PIP4K2A: variants seen among roughly 807,000 people sequenced by gnomAD.
The protein encoded by PIP4K2A is phosphatidylinositol-5-phosphate 4-kinase type 2 alpha.
PIP4K2A carries 14 observed loss-of-function variants against 42.9 expected under a neutral mutation model. The observed-to-expected ratio is 0.33, with a 90% confidence interval of 0.22 to 0.51. The LOEUF is 0.51. Among genes scored for constraint, PIP4K2A ranks in the 20% least tolerant of loss-of-function variants. PIP4K2A has a pLI of 0.97. For missense variants in PIP4K2A, 434 were observed against 519.8 expected (o/e 0.83, Z 1.61); for synonymous variants, 192 against 192.2 (o/e 1.00, Z 0.01).
At chr10:22,550,379 CAATACAG>C (rs919219082) in intron 7 of PIP4K2A, among the ~76,000 whole-genome samples, 13 of 152,302 alleles carry the variant, frequency 8.5e-5, no homozygotes, top group African/African-American at 2.9e-4. Context: ...TGGGCCATCC[CAATACAG>C]AATACAGGGG....
At position 22,607,913 on chromosome 10, in the gene PIP4K2A, C is replaced by G. The variant is rs550685630; in HGVS notation, c.339+14G>C. On this transcript the variant is annotated intron_variant, in intron 3 of 9. Coordinates refer to ENST00000376573, the MANE Select transcript of PIP4K2A (RefSeq NM_005028.5). ...CATTTCCTACTGGAAGCAAATGTTA[C>G]AAACGCAACTCACCTGGAAATCTTG... 3 of 1,579,700 alleles carry G rather than the reference C, an allele frequency of 1.9e-6. No homozygotes were observed. In the East Asian group the frequency reaches 6.7e-5, roughly 35 times the overall value.
intron 2 of PIP4K2A, among the ~76,000 whole-genome samples, 187 bp downstream of exon 2, chr10:22,609,433 G>C (rs1837982625): frequency 6.6e-6 from 1 of 152,186 alleles, no homozygotes; most frequent in Non-Finnish European, 1.5e-5. Context: ...ATATGGCAAA[G>C]GATATTATCC....
In PIP4K2A at chr10:22,615,950, G is replaced by A. The variant is rs539386201; in HGVS notation, c.145-6233C>T. The stretch of plus-strand genomic sequence containing the variant: ...GCGACTTCTTGTTCCTGTTTATGCC[G>A]GACTTCTTGTTCCTGTTTATGCCGT... On this transcript the variant is annotated intron_variant, in intron 1 of 9. Transcript: ENST00000376573. 7.2e-5 allele frequency among the ~76,000 whole-genome samples: 11 copies of A among 151,870 alleles called. No individual in the cohort carries two copies. The East Asian group carries it at 1.2e-3, about 16-fold the overall frequency.
intron 1 of PIP4K2A, among the ~76,000 whole-genome samples, chr10:22,639,635 A>C (rs1253928674): frequency 6.6e-6 from 1 of 152,174 alleles, no homozygotes; most frequent in African/African-American, 2.4e-5. Context: ...TTTTCACAAT[A>C]CAAAATGCCG....
At chr10:22,680,723 G>A (rs913869399) in intron 1 of PIP4K2A, among the ~76,000 whole-genome samples, 5 of 152,170 alleles carry the variant, frequency 3.3e-5, no homozygotes, top group Non-Finnish European at 5.9e-5. Flanking sequence ...ACAGCTCAGC[G>A]AGGGCTGGTG....
At chr10:22,690,527 T>A (rs1015129977) in intron 1 of PIP4K2A, among the ~76,000 whole-genome samples, 2 of 152,180 alleles carry the variant, frequency 1.3e-5, no homozygotes, top group Non-Finnish European at 2.9e-5. Context: ...CATCTCCTCT[T>A]GTGGAAGAGA....
At chr10:22,704,231 G>C (rs1022592345) in intron 1 of PIP4K2A, among the ~76,000 whole-genome samples, 5 of 152,106 alleles carry the variant, frequency 3.3e-5, no homozygotes, top group African/African-American at 1.2e-4. Flanking sequence ...AACATTTCCA[G>C]ACTGAGCAAA....
chr10:22,611,270 G>A (rs995110155), intron 1 of PIP4K2A, among the ~76,000 whole-genome samples: 2 of 152,086 alleles, frequency 1.3e-5, no homozygotes, highest in Non-Finnish European at 2.9e-5. Flanking sequence ...TGCACCTGTA[G>A]TCCCAGCTAC....
intron 1 of PIP4K2A, among the ~76,000 whole-genome samples, chr10:22,701,483 C>A (rs1833714788): frequency 6.6e-6 from 1 of 152,182 alleles, no homozygotes; most frequent in Admixed American, 6.5e-5. Flanking sequence ...AGGTTCCCAT[C>A]ACCTCTGGAA....
intron 6 of PIP4K2A, among the ~76,000 whole-genome samples, chr10:22,566,097 A>C (rs1836842016): frequency 6.6e-6 from 1 of 152,036 alleles, no homozygotes; most frequent in Non-Finnish European, 1.5e-5. Context: ...TATTCTATTA[A>C]CCAGTTAAGT....
In PIP4K2A at chr10:22,579,831, C is replaced by A. The variant is rs147359639; in HGVS notation, c.493-6374G>T. On this transcript the variant is annotated intron_variant, in intron 4 of 9. Transcript: ENST00000376573. ...GGCTGAGGCAGGAGAATCGCCTGAACCCAGGAGGTAGAGGCTGCAGTGAGC... is the reference window on the plus strand; with the variant it reads ...GGCTGAGGCAGGAGAATCGCCTGAAACCAGGAGGTAGAGGCTGCAGTGAGC... Among the ~76,000 whole-genome samples the A allele has an allele frequency of 3.6e-3, 533 of 149,308 alleles. 29 individuals are homozygous for A. The highest frequency in any genetic ancestry group is 0.013 in the African/African-American group (494 of 38,796).
chr10:22,557,533 A>G (rs1836583064), intron 6 of PIP4K2A, among the ~76,000 whole-genome samples: 1 of 152,250 alleles, frequency 6.6e-6, no homozygotes, highest in African/African-American at 2.4e-5. Flanking sequence ...AATTTGATGC[A>G]TAACTGCTGT....
At chr10:22,605,615 G>A (rs1837889536) in intron 3 of PIP4K2A, among the ~76,000 whole-genome samples, 1 of 152,172 alleles carries the variant, frequency 6.6e-6, no homozygotes, top group African/African-American at 2.4e-5. Flanking sequence ...ACAAGAAATA[G>A]AAAGACTTCA....
At chr10:22,669,349 C>T (rs965573627) in intron 1 of PIP4K2A, among the ~76,000 whole-genome samples, 3 of 152,134 alleles carry the variant, frequency 2.0e-5, no homozygotes, top group African/African-American at 7.2e-5. Context: ...GCAACACCAC[C>T]TAGGGTCATG....
In PIP4K2A at chr10:22,674,415, C is replaced by CAA. The variant is rs1002492534; in HGVS notation, c.144+39766_144+39767dup. ...AGACAAGAGACAAGACACTTGGGAG[C>CAA]AAAAAAAAAAAAAAAAAAAAAAAGA... On this transcript the variant is annotated intron_variant, in intron 1 of 9. Transcript: ENST00000376573. Among the ~76,000 whole-genome samples the CAA allele has an allele frequency of 6.6e-3, 403 of 61,016 alleles. 8 individuals are homozygous for CAA. Among genetic ancestry groups the CAA allele is most frequent in the African/African-American group, 0.017 (341 of 19,568 alleles). The allele number at this position is 61,016 out of a possible 152,430, so 40.0% of individuals were successfully genotyped here. A position where few individuals can be genotyped will look rare whatever the true frequency, so the allele number is the denominator to read the frequency against.
intron 1 of PIP4K2A, among the ~76,000 whole-genome samples, chr10:22,645,989 T>C (rs1463856375): frequency 6.6e-5 from 10 of 152,180 alleles, no homozygotes; most frequent in African/African-American, 2.2e-4. Flanking sequence ...CCCAAAGTGC[T>C]GGGATTATAG....
chr10:22,696,250 T>C (rs1362874405), intron 1 of PIP4K2A, among the ~76,000 whole-genome samples: 1 of 152,196 alleles, frequency 6.6e-6, no homozygotes, highest in South Asian at 2.1e-4. Context: ...TCTACTTTCA[T>C]AAAAGAACTG....
intron 2 of PIP4K2A, among the ~76,000 whole-genome samples, chr10:22,608,590 C>A (rs77399403): frequency 0.013 from 2,043 of 152,296 alleles, 47 homozygotes; most frequent in African/African-American, 0.047. Flanking sequence ...ATTGGCCTGG[C>A]ATGGTGGCTT....
intron 1 of PIP4K2A, among the ~76,000 whole-genome samples, chr10:22,663,126 A>T (rs1390994655): frequency 1.3e-5 from 2 of 152,210 alleles, no homozygotes. Context: ...GATCCTGACA[A>T]TTCCAGCTGT....
Sources: gnomAD v4.1 joint callset for allele counts (sites outside exome capture counted in the v4.1 genomes callset) on GRCh38, gnomAD v4.1.1 for gene constraint, MANE v1.5 for transcripts, NCBI Gene and HGNC (gene_info 2026-07-23, HGNC 2026-07-21) for gene names.